NRXN3: variants seen among roughly 807,000 people sequenced by gnomAD.
NRXN3 encodes neurexin 3, also known as neurexin III.
A neutral mutation model predicts 137.6 loss-of-function variants in NRXN3; 32 were observed. That is an observed-to-expected ratio of 0.23 (90% confidence interval 0.18 to 0.31). The LOEUF is 0.31. NRXN3 is among the 10% of genes least tolerant of loss of function. The pLI, the probability that NRXN3 is intolerant of heterozygous loss-of-function variation, is 1.00. For synonymous variants in NRXN3, 798 were observed against 784.5 expected (o/e 1.02, Z -0.29); for missense variants, 1,574 against 2,062.5 (o/e 0.76, Z 4.59).
At chr14:78,175,152 T>A (rs1473655240) in intron 1 of NRXN3, among the ~76,000 whole-genome samples, 2 of 152,028 alleles carry the variant, frequency 1.3e-5, no homozygotes, top group Non-Finnish European at 2.9e-5. Context: ...TCTTTATTAG[T>A]AATTATAAGT....
intron 10 of NRXN3, among the ~76,000 whole-genome samples, chr14:78,898,059 C>A (rs1174149550): frequency 2.0e-5 from 3 of 151,864 alleles, no homozygotes; most frequent in African/African-American, 7.3e-5. Context: ...CTATGCCTCC[C>A]TAATATGCAA....
intron 19 of NRXN3, among the ~76,000 whole-genome samples, chr14:79,750,355 T>C (rs1238578208): frequency 6.6e-6 from 1 of 152,182 alleles, no homozygotes; most frequent in African/African-American, 2.4e-5. Flanking sequence ...ATTTTTTAAG[T>C]AATTATGTGC....
chr14:79,487,614 C>T (rs1237974035), intron 16 of NRXN3, among the ~76,000 whole-genome samples: 1 of 146,112 alleles, frequency 6.8e-6, no homozygotes, highest in Admixed American at 6.6e-5. Flanking sequence ...GGGATCTATC[C>T]CTCCAGAAGT....
intron 20 of NRXN3, among the ~76,000 whole-genome samples, chr14:79,823,366 C>T (rs191165713): frequency 6.6e-6 from 1 of 152,300 alleles, no homozygotes. Flanking sequence ...ACAGACTTAA[C>T]AGTGATTATC....
At chr14:78,457,182 GT>G (rs1457035793) in intron 4 of NRXN3, among the ~76,000 whole-genome samples, 2 of 151,986 alleles carry the variant, frequency 1.3e-5, no homozygotes, top group Non-Finnish European at 2.9e-5. Context: ...GGAATTACAA[GT>G]GCACACCACC....
chr14:79,011,859 C>T (rs1185103204), intron 15 of NRXN3, among the ~76,000 whole-genome samples: 1 of 152,168 alleles, frequency 6.6e-6, no homozygotes, highest in South Asian at 2.1e-4. Flanking sequence ...ATGTTTTAAA[C>T]ATGTTTACAT....
intron 16 of NRXN3, among the ~76,000 whole-genome samples, chr14:79,658,049 G>A (rs1405458077): frequency 6.6e-6 from 1 of 152,116 alleles, no homozygotes; most frequent in African/African-American, 2.4e-5. Flanking sequence ...ATTAGGCTAA[G>A]TGGACAGATA....
At chr14:78,529,183 G>C (rs920707683) in intron 4 of NRXN3, among the ~76,000 whole-genome samples, 6 of 152,172 alleles carry the variant, frequency 3.9e-5, no homozygotes, top group Admixed American at 3.3e-4. Context: ...AACTGTACAA[G>C]TCAGTTTAGC....
At chr14:78,681,258 G>GC (rs2152742883) in intron 6 of NRXN3, among the ~76,000 whole-genome samples, 1 of 152,284 alleles carries the variant, frequency 6.6e-6, no homozygotes, top group East Asian at 1.9e-4. Flanking sequence ...TGCAAATGTA[G>GC]CATAGCAAGG....
intron 4 of NRXN3, among the ~76,000 whole-genome samples, chr14:78,457,916 G>T (rs1481205034): frequency 2.0e-5 from 3 of 152,142 alleles, no homozygotes; most frequent in Admixed American, 6.5e-5. Flanking sequence ...GTAAGGGCCA[G>T]ATGGTAGTTG....
At chr14:79,768,262 G>A (rs994061499) in intron 19 of NRXN3, among the ~76,000 whole-genome samples, 2 of 152,206 alleles carry the variant, frequency 1.3e-5, no homozygotes, top group Admixed American at 6.5e-5. Context: ...CAACTGGGTG[G>A]AGCCCACCAC....
chr14:79,249,010 C>A (rs578115944), intron 15 of NRXN3: 1 of 152,122 alleles, frequency 6.6e-6, no homozygotes, highest in Non-Finnish European at 1.5e-5. Flanking sequence ...CAAAACTCTC[C>A]TGGTGGGAGA....
intron 19 of NRXN3, among the ~76,000 whole-genome samples, chr14:79,711,228 G>A (rs1263356862): frequency 2.0e-5 from 3 of 152,060 alleles, no homozygotes; most frequent in African/African-American, 4.8e-5. Flanking sequence ...ATAGTTTTAT[G>A]GAATGTTTAT....
intron 10 of NRXN3, among the ~76,000 whole-genome samples, chr14:78,877,593 G>A (rs1171280253): frequency 2.6e-5 from 4 of 152,188 alleles, no homozygotes; most frequent in Non-Finnish European, 4.4e-5. Context: ...GCATAACACA[G>A]TATCTTGCCT....
intron 15 of NRXN3, among the ~76,000 whole-genome samples, chr14:79,361,475 G>C (rs1337047632): frequency 6.6e-6 from 1 of 152,114 alleles, no homozygotes; most frequent in Admixed American, 6.6e-5. Flanking sequence ...CCAGCACTTT[G>C]GGAGGCCGAG....
chr14:78,649,289 A>G (rs1220456258), intron 5 of NRXN3: 2 of 1,342,726 alleles, frequency 1.5e-6, no homozygotes, highest in Non-Finnish European at 2.0e-6. Flanking sequence ...CGGACACGCT[A>G]TGGTAAACAA....
chr14:78,434,817 T>G (rs992571348), intron 4 of NRXN3, among the ~76,000 whole-genome samples: 2 of 151,984 alleles, frequency 1.3e-5, no homozygotes, highest in African/African-American at 4.8e-5. Context: ...GTGAAGAAAA[T>G]GCAGAGACTG....
chr14:79,584,594 C>T (rs2097750221), intron 16 of NRXN3, among the ~76,000 whole-genome samples: 1 of 152,086 alleles, frequency 6.6e-6, no homozygotes, highest in Admixed American at 6.6e-5. Context: ...CGCACTGTAA[C>T]CTTGAGACCT....
At chr14:78,997,897 T>C (rs1002441206) in intron 15 of NRXN3, among the ~76,000 whole-genome samples, 1 of 152,214 alleles carries the variant, frequency 6.6e-6, no homozygotes, top group African/African-American at 2.4e-5. Flanking sequence ...TCATACAATA[T>C]GTGATCTTTT....
Sources: allele counts gnomAD v4.1 joint callset (sites outside exome capture counted in the v4.1 genomes callset), GRCh38; gene constraint gnomAD v4.1.1; transcripts MANE v1.5; gene names NCBI Gene and HGNC (gene_info 2026-07-23, HGNC 2026-07-21).